The following GTF3C2 variants were observed in gnomAD, a reference collection of about 807,000 sequenced individuals.
GTF3C2 encodes the protein general transcription factor IIIC subunit 2.
Under a neutral mutation model 117.4 loss-of-function variants are expected in GTF3C2, and 17 were observed. That is an observed-to-expected ratio of 0.14 (90% CI 0.10 to 0.22). The LOEUF (loss-of-function observed/expected upper bound fraction) is 0.22, where lower values mean the gene tolerates loss of function less well. Among genes scored for constraint, GTF3C2 ranks in the 10% least tolerant of loss-of-function variants. The pLI is 1.00. For missense variants in GTF3C2, 888 were observed against 1,143.6 expected (o/e 0.78, Z 3.22); for synonymous variants, 437 against 427.0 (o/e 1.02, Z -0.29).
At chr2:27,337,329 A>G in exon 7 of GTF3C2, 1 of 1,611,832 alleles carries the variant, frequency 6.2e-7, no homozygotes, top group Non-Finnish European at 8.5e-7. Context: ...TGGGGCAGGT[A>G]GGGAGCGGCC....
intron 4 of GTF3C2, chr2:27,338,305 A>C: frequency 1.4e-5 from 5 of 367,712 alleles, no homozygotes; most frequent in East Asian, 5.9e-5. Flanking sequence ...CCTCTTTGAA[A>C]CTCCCGCCCT....
chr2:27,344,826 A>G (rs968024854), intron 1 of GTF3C2, among the ~76,000 whole-genome samples: 4 of 152,006 alleles, frequency 2.6e-5, no homozygotes, highest in African/African-American at 7.2e-5. Flanking sequence ...TCTACAAAAA[A>G]TTTTAAAAGT....
chr2:27,330,889 G>A (rs1156338618), intron 12 of GTF3C2, among the ~76,000 whole-genome samples: 2 of 152,000 alleles, frequency 1.3e-5, no homozygotes, highest in African/African-American at 2.4e-5. Flanking sequence ...TTGAACTCGG[G>A]AGATAGAGGT....
chr2:27,350,619 G>C (rs1238257822), intron 1 of GTF3C2: 6 of 507,712 alleles, frequency 1.2e-5, no homozygotes, highest in Non-Finnish European at 1.3e-5. Flanking sequence ...GGGCAACACA[G>C]CAAGACTTTG....
chr2:27,338,220 G>T (rs1367379468), intron 4 of GTF3C2, 200 bp from the exon 5 acceptor site: 14 of 565,996 alleles, frequency 2.5e-5, no homozygotes, highest in Non-Finnish European at 3.8e-5. Context: ...CATCGAAAAT[G>T]CAAAATCTGT....
intron 1 of GTF3C2, 170 bp from the exon 2 acceptor site, chr2:27,343,748 G>A: frequency 1.7e-6 from 1 of 584,454 alleles, no homozygotes. Context: ...GGACTGTTCT[G>A]GAAACTGGTA....
intron 7 of GTF3C2, 173 bp from the exon 8 acceptor site, chr2:27,336,598 C>G: frequency 1.7e-6 from 1 of 582,628 alleles, no homozygotes; most frequent in Non-Finnish European, 3.1e-6. Flanking sequence ...TTCCTCCTTT[C>G]CTTCCCAAAG....
exon 7 of GTF3C2, chr2:27,337,266 C>A: frequency 6.2e-7 from 1 of 1,609,292 alleles, no homozygotes; most frequent in Non-Finnish European, 8.5e-7. Context: ...TAGAGGGTGC[C>A]ATCTTCAGGT....
chr2:27,325,859 G>C (rs972549549), exon 19 of GTF3C2: 2 of 181,622 alleles, frequency 1.1e-5, no homozygotes, highest in Non-Finnish European at 2.4e-5. Context: ...AATGGTTGAA[G>C]TAACTGAAGA....
intron 17 of GTF3C2, 24 bp downstream of exon 17, chr2:27,328,013 C>T (rs757982708): frequency 1.3e-5 from 21 of 1,590,484 alleles, no homozygotes; most frequent in Middle Eastern, 1.7e-4. Flanking sequence ...TAATACCACA[C>T]CCATTCTCCT....
chr2:27,342,100 C>G, exon 4 of GTF3C2: 1 of 1,614,188 alleles, frequency 6.2e-7, no homozygotes, highest in Non-Finnish European at 8.5e-7. Flanking sequence ...TCTTCTCCAC[C>G]TGGACAGGCT....
chr2:27,337,832 A>G, intron 5 of GTF3C2, 94 bp downstream of exon 5: 1 of 793,846 alleles, frequency 1.3e-6, no homozygotes, highest in Non-Finnish European at 2.3e-6. Flanking sequence ...TCCACCCATG[A>G]GTGCTTCTCT....
In GTF3C2 at chr2:27,336,180, T is replaced by C. The variant is rs780701156; in HGVS notation, c.1355+18A>G. On this transcript the variant is annotated intron_variant, in intron 8 of 18. Coordinates refer to ENST00000264720, the Ensembl canonical transcript of GTF3C2. Reference sequence around the variant, plus strand: ...GTCCTCAACCACCCTCCCATGGCAGTGTCCAACCCCACCTCACCAGCTTTC... The same window carrying C: ...GTCCTCAACCACCCTCCCATGGCAGCGTCCAACCCCACCTCACCAGCTTTC... The C allele has an allele frequency of 6.3e-7, 1 of 1,582,010 alleles. No homozygotes were observed. The highest frequency in any genetic ancestry group is 8.7e-7 in the Non-Finnish European group (1 of 1,151,260).
At chr2:27,346,016 CTTTTTTTT>C (rs70953853) in intron 1 of GTF3C2, among the ~76,000 whole-genome samples, 4 of 97,910 alleles carry the variant, frequency 4.1e-5, no homozygotes, top group Non-Finnish European at 5.8e-5. Context: ...TGCCCCGCCA[CTTTTTTTT>C]TTTTTTTTTT....
Position 27,342,243 on chromosome 2 carries a change from C to T in GTF3C2, c.570-10G>A, listed in dbSNP as rs1165555931. On this transcript the variant is annotated splice_polypyrimidine_tract_variant and intron_variant, in intron 3 of 18. Coordinates refer to ENST00000264720, the Ensembl canonical transcript of GTF3C2. ...AAGATACAGAAGTGCCCTGTGGGAACGGACAGAGTCAGAGCCATTCTCACA... is the reference window on the plus strand; with the variant it reads ...AAGATACAGAAGTGCCCTGTGGGAATGGACAGAGTCAGAGCCATTCTCACA... 10 of 1,599,052 alleles carry T rather than the reference C, an allele frequency of 6.3e-6. No individual in the cohort carries two copies. The highest frequency in any genetic ancestry group is 3.4e-5 in the Admixed American group (2 of 58,942).
intron 1 of GTF3C2, among the ~76,000 whole-genome samples, chr2:27,355,443 C>T (rs1343837268): frequency 2.0e-5 from 3 of 151,922 alleles, no homozygotes; most frequent in Admixed American, 1.3e-4. Context: ...TCGCTTGAAC[C>T]CGGGAGGCGG....
At chr2:27,350,111 T>G (rs1011016518) in intron 1 of GTF3C2, among the ~76,000 whole-genome samples, 1 of 152,058 alleles carries the variant, frequency 6.6e-6, no homozygotes, top group Admixed American at 6.6e-5. Context: ...AATGAAGATA[T>G]AAATAAAATA....
chr2:27,328,261 G>A, intron 16 of GTF3C2, 72 bp from the exon 17 acceptor site: 2 of 1,267,646 alleles, frequency 1.6e-6, no homozygotes, highest in Non-Finnish European at 2.2e-6. Context: ...AGTGGTTTGG[G>A]CAGGAAAGGC....
In GTF3C2 at chr2:27,341,026, GTGTTTTGTTT is replaced by G. The variant is rs542115870; in HGVS notation, c.855+912_855+921del. On this transcript the variant is annotated intron_variant, in intron 4 of 18. Transcript: ENST00000264720. ...TACAGTTTGTGTACAACTGAATTGT[GTGTTTTGTTT>G]TGTTTTGTTTTGTTTTTGAGATGGA... Among the ~76,000 whole-genome samples the G allele has an allele frequency of 7.9e-5, 12 of 151,976 alleles. No homozygotes were observed. The South Asian group carries it at 1.0e-3, about 13-fold the overall frequency.
Sources: gnomAD v4.1 joint callset for allele counts (sites outside exome capture counted in the v4.1 genomes callset) on GRCh38, gnomAD v4.1.1 for gene constraint, MANE v1.5 for transcripts, NCBI Gene and HGNC (gene_info 2026-07-23, HGNC 2026-07-21) for gene names.